The following CLVS2 variants were observed in gnomAD, a reference collection of about 807,000 sequenced individuals.
CLVS2 encodes the protein clavesin 2, also known as clavesin-2.
In CLVS2, 19 loss-of-function variants were observed where a neutral mutation model predicts 29.0. That is an observed-to-expected ratio of 0.66 (90% CI 0.46 to 0.96). CLVS2 has a LOEUF of 0.96. Among genes scored for constraint, CLVS2 ranks in the 40% least tolerant of loss-of-function variants. CLVS2 has a pLI of 0.00. For synonymous variants in CLVS2, 161 were observed against 151.3 expected, an observed-to-expected ratio of 1.06 and a Z score of -0.47; for missense variants, 294 against 404.1, an observed-to-expected ratio of 0.73 and a Z score of 2.34.
Position 123,027,225 on chromosome 6 carries a change from G to A in CLVS2, c.564+16066G>A, listed in dbSNP as rs568172635. On this transcript the variant is annotated intron_variant, in intron 3 of 5. Coordinates refer to ENST00000275162, the MANE Select transcript of CLVS2 (RefSeq NM_001010852.4). Reference sequence around the variant, plus strand: ...TGGAGAATCAGTGACATCTTGAGTAGAGGAACAAATCATGAAAAATGGACA... The same window carrying A: ...TGGAGAATCAGTGACATCTTGAGTAAAGGAACAAATCATGAAAAATGGACA... Among the ~76,000 whole-genome samples the A allele has an allele frequency of 1.1e-4, 17 of 152,288 alleles. No individual in the cohort carries two copies. The South Asian group carries it at 3.5e-3, about 32-fold the overall frequency.
intron 3 of CLVS2, among the ~76,000 whole-genome samples, chr6:123,026,458 A>G (rs1775002551): frequency 1.3e-5 from 2 of 152,230 alleles, no homozygotes; most frequent in Admixed American, 1.3e-4. Context: ...AAATAATATT[A>G]GCATACTTTG....
intron 3 of CLVS2, among the ~76,000 whole-genome samples, chr6:123,035,292 T>A (rs1775137986): frequency 6.6e-6 from 1 of 152,048 alleles, no homozygotes; most frequent in Non-Finnish European, 1.5e-5. Context: ...TACATAAATC[T>A]TAAAATGGAA....
chr6:123,027,129 T>C (rs1469043822), intron 3 of CLVS2, among the ~76,000 whole-genome samples: 1 of 152,114 alleles, frequency 6.6e-6, no homozygotes, highest in Non-Finnish European at 1.5e-5. Context: ...CAAGATAAAG[T>C]AAAGAAGTCA....
intron 5 of CLVS2, among the ~76,000 whole-genome samples, chr6:123,057,500 C>T (rs1772711462): frequency 6.6e-6 from 1 of 152,012 alleles, no homozygotes; most frequent in Non-Finnish European, 1.5e-5. Context: ...GCTCCCAACA[C>T]TGCACCCAGC....
chr6:123,059,951 C>T (rs955829110), intron 5 of CLVS2, among the ~76,000 whole-genome samples: 8 of 152,056 alleles, frequency 5.3e-5, no homozygotes, highest in African/African-American at 1.4e-4. Flanking sequence ...GTTTGGTGTA[C>T]GTTTGGTATC....
At chr6:123,062,863 C>T (rs968726458) in intron 5 of CLVS2, among the ~76,000 whole-genome samples, 8 of 152,314 alleles carry the variant, frequency 5.3e-5, no homozygotes, top group African/African-American at 1.9e-4. Context: ...TTACTAAATG[C>T]TACAGCTATT....
At chr6:123,013,811 TC>T (rs1031119450) in intron 3 of CLVS2, among the ~76,000 whole-genome samples, 1 of 143,606 alleles carries the variant, frequency 7.0e-6, no homozygotes. Flanking sequence ...CCCTCCCTCC[TC>T]CCCCCACCCC....
chr6:123,013,790 C>T (rs2114311194), intron 3 of CLVS2, among the ~76,000 whole-genome samples: 1 of 151,996 alleles, frequency 6.6e-6, no homozygotes, highest in Middle Eastern at 3.4e-3. Context: ...AGGTATATCT[C>T]CTAATGCTAT....
At chr6:123,052,684 T>C (rs1772629817) in intron 4 of CLVS2, among the ~76,000 whole-genome samples, 1 of 152,050 alleles carries the variant, frequency 6.6e-6, no homozygotes, top group Non-Finnish European at 1.5e-5. Context: ...ACTGAGATGA[T>C]GAGGGGAGTA....
Position 123,068,911 on chromosome 6 carries a change from T to C in CLVS2, c.*5150T>C, listed in dbSNP as rs546997096. The C allele has an allele frequency of 2.0e-5, 3 of 151,786 alleles. No homozygotes were observed. The highest frequency in any genetic ancestry group is 4.1e-4 in the South Asian group (2 of 4,826). 9.4% of individuals were successfully genotyped at this position (151,786 alleles called of 1,614,324 possible). A position where few individuals can be genotyped will look rare whatever the true frequency, so the allele number is the denominator to read the frequency against. ...AAATGTATACATTTATTTTGCACAT[T>C]GTTAATGTTAAATTTGGTAGTCCTG... is the stretch of plus-strand genomic sequence containing the variant. On this transcript the variant is annotated 3_prime_UTR_variant, in exon 6 of 6. Coordinates refer to ENST00000275162, the MANE Select transcript of CLVS2 (RefSeq NM_001010852.4).
At chr6:123,013,064 T>C (rs1265979312) in intron 3 of CLVS2, among the ~76,000 whole-genome samples, 1 of 152,060 alleles carries the variant, frequency 6.6e-6, no homozygotes, top group East Asian at 1.9e-4. Context: ...TAATTCTGAA[T>C]AAGAATATAG....
At chr6:123,018,621 A>C (rs1774875424) in intron 3 of CLVS2, among the ~76,000 whole-genome samples, 2 of 150,798 alleles carry the variant, frequency 1.3e-5, no homozygotes, top group African/African-American at 4.9e-5. Context: ...TTCTCTTAAG[A>C]TTGTTCTGAA....
At chr6:123,046,543 C>T (rs1344921466) in intron 3 of CLVS2, among the ~76,000 whole-genome samples, 1 of 151,784 alleles carries the variant, frequency 6.6e-6, no homozygotes, top group Non-Finnish European at 1.5e-5. Flanking sequence ...CCTGTAGTCC[C>T]AGCTACTCAG....
chr6:123,055,478 G>T (rs1772681108), intron 4 of CLVS2, among the ~76,000 whole-genome samples: 1 of 152,150 alleles, frequency 6.6e-6, no homozygotes, highest in Admixed American at 6.5e-5. Flanking sequence ...CCAGGATGAT[G>T]TACAGATCAG....
rs536117084 is a variant in CLVS2, at chr6:123,042,277, C to T, written c.565-6345C>T. Reference sequence around the variant, plus strand: ...AAGCCATTCAATTATCTTTTTTTCTCTTTTCTCTGATGGCAAACTCCTAAG... The same window carrying T: ...AAGCCATTCAATTATCTTTTTTTCTTTTTTCTCTGATGGCAAACTCCTAAG... On this transcript the variant is annotated intron_variant, in intron 3 of 5. Transcript: ENST00000275162. Among the ~76,000 whole-genome samples, 477 of 152,072 alleles carry T rather than the reference C, an allele frequency of 3.1e-3. 2 individuals are homozygous for T. The highest frequency in any genetic ancestry group is 5.3e-3 in the Non-Finnish European group (357 of 67,940).
At chr6:123,038,763 C>T (rs1364930946) in intron 3 of CLVS2, among the ~76,000 whole-genome samples, 1 of 151,826 alleles carries the variant, frequency 6.6e-6, no homozygotes, top group Non-Finnish European at 1.5e-5. Context: ...TTTGATATTA[C>T]ATATTATAAA....
At chr6:123,012,058 A>G (rs1372489818) in intron 3 of CLVS2, among the ~76,000 whole-genome samples, 13 of 151,954 alleles carry the variant, frequency 8.6e-5, no homozygotes, top group Non-Finnish European at 1.6e-4. Context: ...CAGGTGCTGG[A>G]AATCTTCGAT....
intron 5 of CLVS2, 82 bp downstream of exon 5, chr6:123,056,108 T>TC: frequency 2.2e-6 from 2 of 897,044 alleles, no homozygotes; most frequent in South Asian, 2.9e-5. Context: ...TTTCTGTTTT[T>TC]CTGTATACAT....
chr6:123,039,802 G>T (rs1775202619), intron 3 of CLVS2, among the ~76,000 whole-genome samples: 1 of 152,142 alleles, frequency 6.6e-6, no homozygotes, highest in Non-Finnish European at 1.5e-5. Flanking sequence ...AGTTTTTAGT[G>T]TTGGTTTTAC....
Sources: allele counts gnomAD v4.1 joint callset (sites outside exome capture counted in the v4.1 genomes callset), GRCh38; gene constraint gnomAD v4.1.1; transcripts MANE v1.5; gene names NCBI Gene and HGNC (gene_info 2026-07-23, HGNC 2026-07-21).